PIK3C3: variants seen among roughly 807,000 people sequenced by gnomAD.
The protein encoded by PIK3C3 is phosphatidylinositol 3-kinase catalytic subunit type 3, also known as PI3-kinase type 3.
PIK3C3 carries 95 observed loss-of-function variants against 126.1 expected under a neutral mutation model. The ratio of observed to expected loss-of-function variants is 0.75; its 90% confidence interval spans 0.64 to 0.89. PIK3C3 has a LOEUF of 0.89. Among genes scored for constraint, PIK3C3 ranks in the 40% least tolerant of loss-of-function variants. PIK3C3 has a pLI of 0.00. For synonymous variants in PIK3C3, 374 were observed against 360.0 expected, an observed-to-expected ratio of 1.04 and a Z score of -0.44; for missense variants, 829 against 1,063.2, an observed-to-expected ratio of 0.78 and a Z score of 3.06.
chr18:42,079,946 AGTGT>A (rs6146278), intron 24 of PIK3C3, among the ~76,000 whole-genome samples: 9,993 of 137,102 alleles, frequency 0.073, 432 homozygotes, highest in African/African-American at 0.14. Flanking sequence ...CCAACTTTTG[AGTGT>A]GTGTGTGTGT....
chr18:42,085,102 T>A lies in PIK3C3; in HGVS notation c.*3965T>A, dbSNP rs1986372284. On this transcript the variant is annotated 3_prime_UTR_variant, in exon 25 of 25. Transcript: ENST00000262039. ...AATAATTTTTAACTGGCTATGTAGT[T>A]AAAAAACCTAACAAAAAGCACTTTT... The A allele has an allele frequency of 6.6e-6, 1 of 152,208 alleles. No individual in the cohort carries two copies. The highest frequency in any genetic ancestry group is 2.1e-4 in the South Asian group (1 of 4,828). The allele number at this position is 152,208 out of a possible 1,614,324, so 9.4% of individuals were successfully genotyped here.
At chr18:42,031,959 A>G (rs1218791133) in intron 15 of PIK3C3, among the ~76,000 whole-genome samples, 1 of 152,226 alleles carries the variant, frequency 6.6e-6, no homozygotes, top group African/African-American at 2.4e-5. Context: ...AATGCAATAA[A>G]TAAATAAAAT....
chr18:42,065,255 T>A (rs1480610617), intron 23 of PIK3C3, among the ~76,000 whole-genome samples: 1 of 151,782 alleles, frequency 6.6e-6, no homozygotes. Context: ...ACTAAGCCAA[T>A]GAAAAAATAA....
chr18:41,994,475 G>A (rs1203710260), intron 7 of PIK3C3, among the ~76,000 whole-genome samples: 1 of 152,104 alleles, frequency 6.6e-6, no homozygotes, highest in Non-Finnish European at 1.5e-5. Flanking sequence ...ATGATATACA[G>A]CTGTATCTGA....
intron 12 of PIK3C3, among the ~76,000 whole-genome samples, chr18:42,018,083 A>G (rs953190813): frequency 6.6e-6 from 1 of 151,460 alleles, no homozygotes; most frequent in Non-Finnish European, 1.5e-5. Context: ...ATTTGATAAT[A>G]TTATTGTTAT....
Position 42,081,522 on chromosome 18 carries a change from C to A in PIK3C3, c.*385C>A, listed in dbSNP as rs2144545056. ...CTCTTATATCTTCATATCAGGACAG[C>A]AGTAACCTGAATTTAGATTGTCACA... On this transcript the variant is annotated 3_prime_UTR_variant, in exon 25 of 25. Coordinates refer to ENST00000262039, the MANE Select transcript of PIK3C3 (RefSeq NM_002647.4). The A allele has an allele frequency of 5.4e-6, 1 of 185,090 alleles. No individual in the cohort carries two copies. The highest frequency in any genetic ancestry group is 2.3e-5 in the African/African-American group (1 of 42,960). The allele number at this position is 185,090 out of a possible 1,614,324, so 11.5% of individuals were successfully genotyped here.
chr18:42,026,811 G>C (rs1387938269), intron 13 of PIK3C3: 1 of 152,128 alleles, frequency 6.6e-6, no homozygotes, highest in African/African-American at 2.4e-5. Flanking sequence ...GTCTTATTCA[G>C]ATCATTGCTT....
chr18:41,977,737 G>T (rs545416017), intron 4 of PIK3C3, among the ~76,000 whole-genome samples: 2 of 152,052 alleles, frequency 1.3e-5, no homozygotes, highest in African/African-American at 4.8e-5. Flanking sequence ...AACCCGCCTC[G>T]GCCTCCCAAA....
chr18:41,987,956 T>A (rs1431586770), intron 5 of PIK3C3, 58 bp downstream of exon 5: 5 of 1,037,506 alleles, frequency 4.8e-6, no homozygotes. Flanking sequence ...AAATTAACAA[T>A]TTTTTGATAA....
At chr18:42,009,996 A>C (rs1252903471) in intron 10 of PIK3C3, among the ~76,000 whole-genome samples, 1 of 152,104 alleles carries the variant, frequency 6.6e-6, no homozygotes, top group African/African-American at 2.4e-5. Context: ...TGCCACACCC[A>C]TTGACTCTTT....
intron 24 of PIK3C3, among the ~76,000 whole-genome samples, chr18:42,078,288 A>C (rs1986104579): frequency 6.7e-6 from 1 of 149,940 alleles, no homozygotes; most frequent in Admixed American, 6.7e-5. Flanking sequence ...GAGGCAGGAG[A>C]ATGGCGTGAA....
At chr18:42,020,257 T>C (rs1053730784) in intron 12 of PIK3C3, among the ~76,000 whole-genome samples, 1 of 152,174 alleles carries the variant, frequency 6.6e-6, no homozygotes, top group Admixed American at 6.5e-5. Flanking sequence ...TTTACATTAC[T>C]TAGCATTCCT....
chr18:41,985,526 C>T lies in PIK3C3; in HGVS notation c.532-2286C>T, dbSNP rs981662036. Among the ~76,000 whole-genome samples, 3 of 152,084 alleles carry T rather than the reference C, an allele frequency of 2.0e-5. No homozygotes were observed. In the East Asian group the frequency reaches 5.8e-4, roughly 29 times the overall value. ...ACAATATCTTTCCTGTGAAGGCATA[C>T]AGATTTTTCTCATTCTTTTTGATTA... On this transcript the variant is annotated intron_variant, in intron 4 of 24. Coordinates refer to ENST00000262039, the MANE Select transcript of PIK3C3 (RefSeq NM_002647.4).
chr18:41,975,299 G>C (rs186097354), intron 4 of PIK3C3, among the ~76,000 whole-genome samples: 1 of 152,292 alleles, frequency 6.6e-6, no homozygotes, highest in Admixed American at 6.5e-5. Flanking sequence ...TCTAATATCA[G>C]AGCCACAAGT....
At chr18:41,959,950 A>ATTG (rs34394946) in intron 2 of PIK3C3, among the ~76,000 whole-genome samples, 48,328 of 151,928 alleles carry the variant, frequency 0.32, 8,347 homozygotes, top group African/African-American at 0.45. Flanking sequence ...AATAGTCCTT[A>ATTG]TTTATAAGTA....
chr18:41,983,402 C>T (rs1981306380), intron 4 of PIK3C3, among the ~76,000 whole-genome samples: 1 of 151,868 alleles, frequency 6.6e-6, no homozygotes, highest in South Asian at 2.1e-4. Context: ...GTCACTCCCA[C>T]CTCTTCCCCT....
intron 13 of PIK3C3, chr18:42,025,997 C>T (rs1173693199): frequency 6.6e-6 from 1 of 152,184 alleles, no homozygotes; most frequent in East Asian, 1.9e-4. Context: ...AGAGTATACT[C>T]TCCCAGAAAT....
chr18:41,990,592 A>G, intron 6 of PIK3C3, 38 bp downstream of exon 6: 1 of 1,061,762 alleles, frequency 9.4e-7, no homozygotes. Flanking sequence ...TCTAAAGTAG[A>G]GGGGAGAGGA....
chr18:42,001,977 T>G (rs1260239926), intron 9 of PIK3C3, among the ~76,000 whole-genome samples: 2 of 152,170 alleles, frequency 1.3e-5, no homozygotes, highest in Non-Finnish European at 2.9e-5. Flanking sequence ...AAAGGGAGCA[T>G]TATACTAAAT....
Sources: gnomAD v4.1 joint callset for allele counts (sites outside exome capture counted in the v4.1 genomes callset) on GRCh38, gnomAD v4.1.1 for gene constraint, MANE v1.5 for transcripts, NCBI Gene and HGNC (gene_info 2026-07-23, HGNC 2026-07-21) for gene names.